Variants in ASPH observed in about 807,000 individuals in gnomAD.
The protein encoded by ASPH is aspartyl/asparaginyl beta-hydroxylase.
In ASPH, 100 loss-of-function variants were observed where a neutral mutation model predicts 118.4. That is an observed-to-expected ratio of 0.84 (90% CI 0.72 to 1.00). ASPH has a LOEUF of 1.00. ASPH is among the 50% of genes least tolerant of loss of function. The pLI, the probability that ASPH is intolerant of heterozygous loss-of-function variation, is 0.00. For missense variants in ASPH, 920 were observed against 919.5 expected (o/e 1.00, Z -0.01); for synonymous variants, 315 against 325.6 (o/e 0.97, Z 0.35).
chr8:61,590,314 T>A (rs188912966), intron 14 of ASPH, among the ~76,000 whole-genome samples: 1 of 152,136 alleles, frequency 6.6e-6, no homozygotes, highest in East Asian at 1.9e-4. Context: ...TATAAGGTTT[T>A]TCGAGAGAGG....
At chr8:61,593,006 G>A (rs1478735855) in intron 14 of ASPH, among the ~76,000 whole-genome samples, 1 of 152,230 alleles carries the variant, frequency 6.6e-6, no homozygotes, top group African/African-American at 2.4e-5. Context: ...ATCTACGAGT[G>A]TTCCTACAGG....
At chr8:61,547,050 C>T (rs943913529) in intron 21 of ASPH, among the ~76,000 whole-genome samples, 1 of 152,148 alleles carries the variant, frequency 6.6e-6, no homozygotes, top group African/African-American at 2.4e-5. Flanking sequence ...AGCCATCTAA[C>T]CTGTAAGATA....
At chr8:61,676,211 T>C (rs374498190) in intron 3 of ASPH, 18 of 1,598,450 alleles carry the variant, frequency 1.1e-5, no homozygotes, top group Non-Finnish European at 1.4e-5. Flanking sequence ...CATTATATCA[T>C]AGAGAAATGA....
chr8:61,688,562 T>C (rs562680750), intron 1 of ASPH, among the ~76,000 whole-genome samples: 2 of 152,332 alleles, frequency 1.3e-5, no homozygotes, highest in Admixed American at 6.5e-5. Context: ...AACTGAATTA[T>C]AGATCATTTA....
At chr8:61,601,496 C>A (rs144999555) in intron 14 of ASPH, among the ~76,000 whole-genome samples, 1 of 149,126 alleles carries the variant, frequency 6.7e-6, no homozygotes, top group Non-Finnish European at 1.5e-5. Context: ...GCCAAGATTG[C>A]GCCAGTGCAC....
At chr8:61,515,938 T>C (rs1013484056) in intron 24 of ASPH, among the ~76,000 whole-genome samples, 5 of 152,206 alleles carry the variant, frequency 3.3e-5, no homozygotes, top group African/African-American at 9.6e-5. Flanking sequence ...TTCTTCCCAC[T>C]GTCCCCATAG....
intron 1 of ASPH, among the ~76,000 whole-genome samples, chr8:61,710,018 A>G (rs1173225518): frequency 1.3e-5 from 2 of 151,492 alleles, no homozygotes; most frequent in African/African-American, 2.4e-5. Context: ...CAAAAAAGTC[A>G]AAGCATGCAA....
chr8:61,680,883 C>A, intron 3 of ASPH, 85 bp downstream of exon 3: 1 of 1,170,898 alleles, frequency 8.5e-7, no homozygotes. Context: ...AAGATATATA[C>A]TATTGAGATA....
At chr8:61,650,606 G>GT (rs557943978) in intron 5 of ASPH, among the ~76,000 whole-genome samples, 96 of 152,024 alleles carry the variant, frequency 6.3e-4, no homozygotes, top group Non-Finnish European at 1.0e-3. Flanking sequence ...GCATTCTCAC[G>GT]TTTTTTTTCC....
intron 14 of ASPH, among the ~76,000 whole-genome samples, chr8:61,593,041 A>C (rs916870290): frequency 1.3e-5 from 2 of 152,164 alleles, no homozygotes; most frequent in African/African-American, 4.8e-5. Context: ...AGGCGCCCTC[A>C]GTTATTTTCT....
intron 22 of ASPH, among the ~76,000 whole-genome samples, chr8:61,525,545 A>C (rs1586547709): frequency 6.6e-6 from 1 of 152,224 alleles, no homozygotes; most frequent in East Asian, 1.9e-4. Context: ...TTTTACCATC[A>C]TCCGTGTTGA....
At chr8:61,514,750 G>A (rs1810239695) in intron 24 of ASPH, among the ~76,000 whole-genome samples, 1 of 151,984 alleles carries the variant, frequency 6.6e-6, no homozygotes, top group Non-Finnish European at 1.5e-5. Context: ...TGTTTTTGTG[G>A]AGACAGGGTC....
intron 1 of ASPH, among the ~76,000 whole-genome samples, chr8:61,691,507 C>A (rs917403701): frequency 5.3e-5 from 8 of 152,182 alleles, no homozygotes; most frequent in Non-Finnish European, 8.8e-5. Flanking sequence ...CATTTCGTCA[C>A]CATACAAATT....
chr8:61,511,119 T>G (rs1187481253), intron 24 of ASPH, among the ~76,000 whole-genome samples: 2 of 152,210 alleles, frequency 1.3e-5, no homozygotes, highest in Non-Finnish European at 2.9e-5. Flanking sequence ...TCTCTTACTG[T>G]TAATATTTTA....
chr8:61,656,224 G>A (rs111642114), intron 3 of ASPH: 10 of 152,232 alleles, frequency 6.6e-5, no homozygotes, highest in African/African-American at 1.7e-4. Context: ...GAGATGTGTC[G>A]GTTTCGATGT....
chr8:61,579,224 T>C, intron 15 of ASPH: 2 of 1,613,654 alleles, frequency 1.2e-6, no homozygotes, highest in Non-Finnish European at 1.7e-6. Context: ...AGGCCGCCAT[T>C]GCAGATGCCG....
intron 17 of ASPH, among the ~76,000 whole-genome samples, chr8:61,566,093 C>T (rs761442629): frequency 2.0e-5 from 3 of 152,166 alleles, no homozygotes; most frequent in East Asian, 1.9e-4. Context: ...TGTTCTCATG[C>T]CTGCTAACAC....
At chr8:61,620,567 A>C (rs1393818549) in intron 13 of ASPH, among the ~76,000 whole-genome samples, 1 of 152,126 alleles carries the variant, frequency 6.6e-6, no homozygotes, top group Non-Finnish European at 1.5e-5. Context: ...CCTTATTATA[A>C]AGTTAGGTAG....
intron 3 of ASPH, chr8:61,665,324 T>A (rs1241227510): frequency 1.9e-6 from 3 of 1,613,650 alleles, no homozygotes; most frequent in Non-Finnish European, 2.5e-6. Flanking sequence ...TTCCTTTCTG[T>A]CATCTTTGTC....
Sources: allele counts gnomAD v4.1 joint callset (sites outside exome capture counted in the v4.1 genomes callset), GRCh38; gene constraint gnomAD v4.1.1; transcripts MANE v1.5; gene names NCBI Gene and HGNC (gene_info 2026-07-23, HGNC 2026-07-21).